The following ZNF536 variants were observed in gnomAD, a reference collection of about 807,000 sequenced individuals.
ZNF536 encodes the protein zinc finger protein 536.
ZNF536 carries 13 observed loss-of-function variants against 84.5 expected under a neutral mutation model. The observed-to-expected ratio is 0.15, with a 90% CI of 0.10 to 0.24. The LOEUF is 0.24. ZNF536 is among the 10% of genes least tolerant of loss of function. The probability of loss-of-function intolerance (pLI) is 1.00; values close to 1 mark genes in which losing one functional copy is unlikely to be tolerated. For missense variants in ZNF536, 1,536 were observed against 1,747.5 expected, an observed-to-expected ratio of 0.88 and a Z score of 2.16; for synonymous variants, 811 against 742.5, an observed-to-expected ratio of 1.09 and a Z score of -1.50.
At position 30,469,270 on chromosome 19, in the gene ZNF536, C is replaced by T. The variant is rs578191796; in HGVS notation, c.2170+23538C>T. 2.3e-4 allele frequency among the ~76,000 whole-genome samples: 35 copies of T among 152,174 alleles called. 1 individual carries two copies. Among genetic ancestry groups the T allele is most frequent in the Non-Finnish European group, 1.5e-4 (10 of 68,000 alleles). Reference sequence around the variant, plus strand: ...TCTACTAAAAGCACAAAAAATTAGCCGGGCGTGGTGGTGGGCCTGTAGTCC... The same window carrying T: ...TCTACTAAAAGCACAAAAAATTAGCTGGGCGTGGTGGTGGGCCTGTAGTCC... On this transcript the variant is annotated intron_variant, in intron 2 of 4. Coordinates refer to ENST00000355537, the MANE Select transcript of ZNF536 (RefSeq NM_014717.3).
rs556835599 is a variant in ZNF536, at chr19:30,617,333, C to CTT, written c.169+67851_169+67852dup. On this transcript the variant is annotated intron_variant, in intron 1 of 1. Coordinates refer to the ZNF536 transcript ENST00000592773. ...GAGTCCACCATATCTGAATAGCTTA[C>CTT]TTTTTTTTTTTTTTTTTTTTTTTTT... Among the ~76,000 whole-genome samples, 247 of 37,688 alleles carry CTT rather than the reference C, an allele frequency of 6.6e-3. 51 individuals are homozygous for CTT. The highest frequency in any genetic ancestry group is 0.01 in the Admixed American group (20 of 1,916). 24.7% of individuals were successfully genotyped at this position (37,688 alleles called of 152,430 possible).
At chr19:30,628,577 C>T (rs978293363) in intron 1 of ZNF536, among the ~76,000 whole-genome samples, 4 of 152,006 alleles carry the variant, frequency 2.6e-5, no homozygotes, top group Middle Eastern at 3.4e-3. Flanking sequence ...TACAGGTACC[C>T]GCCACCACGC....
intron 3 of ZNF536, among the ~76,000 whole-genome samples, chr19:30,539,284 A>G (rs1443337525): frequency 6.6e-6 from 1 of 152,148 alleles, no homozygotes; most frequent in Non-Finnish European, 1.5e-5. Context: ...AATGCAGATC[A>G]ATGTCCCAGC....
intron 1 of ZNF536, among the ~76,000 whole-genome samples, chr19:30,383,064 C>T (rs950524961): frequency 3.3e-5 from 5 of 152,234 alleles, no homozygotes; most frequent in Middle Eastern, 3.4e-3. Context: ...TCAAGGTGGG[C>T]GGATCACCTG....
chr19:30,438,939 C>T (rs1329576052), intron 1 of ZNF536, among the ~76,000 whole-genome samples: 1 of 152,126 alleles, frequency 6.6e-6, no homozygotes, highest in Non-Finnish European at 1.5e-5. Flanking sequence ...GCTGGGATTA[C>T]AGGTGTGAGC....
At position 30,555,173 on chromosome 19, in the gene ZNF536, A is replaced by G. The variant is rs1204631697; in HGVS notation, c.3896-1984A>G. The G allele has an allele frequency of 2.6e-5, 4 of 152,412 alleles. No individual in the cohort carries two copies. The East Asian group carries it at 7.7e-4, about 29-fold the overall frequency. 9.4% of individuals were successfully genotyped at this position (152,412 alleles called of 1,614,324 possible). A position where few individuals can be genotyped will look rare whatever the true frequency, so the allele number is the denominator to read the frequency against. Reference sequence around the variant, plus strand: ...GTGGCTGTGTGTTGTCTCTGATGCAAGCTTGCTCTGTGAAAGCCTGTTTCC... The same window carrying G: ...GTGGCTGTGTGTTGTCTCTGATGCAGGCTTGCTCTGTGAAAGCCTGTTTCC... On this transcript the variant is annotated intron_variant, in intron 4 of 4. Transcript: ENST00000355537.
At chr19:30,528,686 C>T (rs372382085) in intron 2 of ZNF536, among the ~76,000 whole-genome samples, 1 of 152,088 alleles carries the variant, frequency 6.6e-6, no homozygotes, top group Non-Finnish European at 1.5e-5. Flanking sequence ...CACTGTGGCC[C>T]AGGAGGAGAG....
intron 2 of ZNF536, among the ~76,000 whole-genome samples, chr19:30,324,030 C>T (rs1165735114): frequency 1.3e-5 from 2 of 151,964 alleles, no homozygotes; most frequent in Non-Finnish European, 1.5e-5. Context: ...TCCATCCACC[C>T]ACCCATCCTC....
In ZNF536 at chr19:30,557,321, C is replaced by T. The variant is rs192574688; in HGVS notation, c.*157C>T. 1.8e-3 allele frequency: 1,367 copies of T among 780,914 alleles called. 19 individuals are homozygous for T. Among genetic ancestry groups the T allele is most frequent in the South Asian group, 0.017 (906 of 54,644 alleles). The allele number at this position is 780,914 out of a possible 1,614,324, so 48.4% of individuals were successfully genotyped here. Reference sequence around the variant, plus strand: ...ATTGGCATAGGTATGTGTATACACACGGTGCACCAATCTACAGTATATATA... The same window carrying T: ...ATTGGCATAGGTATGTGTATACACATGGTGCACCAATCTACAGTATATATA... On this transcript the variant is annotated 3_prime_UTR_variant, in exon 5 of 5. Coordinates refer to ENST00000355537, the MANE Select transcript of ZNF536 (RefSeq NM_014717.3).
At chr19:30,631,168 C>G (rs1036123010) in intron 1 of ZNF536, among the ~76,000 whole-genome samples, 1 of 152,194 alleles carries the variant, frequency 6.6e-6, no homozygotes, top group Non-Finnish European at 1.5e-5. Flanking sequence ...CAGGAGCCGG[C>G]CCTCCCCTCC....
intron 1 of ZNF536, among the ~76,000 whole-genome samples, chr19:30,652,241 A>G (rs919457288): frequency 2.0e-5 from 3 of 152,192 alleles, no homozygotes; most frequent in Admixed American, 6.5e-5. Context: ...AAATACAGGG[A>G]GGTTTAACAT....
intron 1 of ZNF536, among the ~76,000 whole-genome samples, chr19:30,567,199 C>T (rs1442503358): frequency 5.3e-5 from 8 of 152,228 alleles, no homozygotes; most frequent in African/African-American, 1.7e-4. Context: ...GCCAGCCCGC[C>T]AGGCTCATGT....
chr19:30,694,663 G>C (rs2051576222), intron 1 of ZNF536, among the ~76,000 whole-genome samples: 1 of 148,884 alleles, frequency 6.7e-6, no homozygotes, highest in Non-Finnish European at 1.5e-5. Flanking sequence ...TGTAACATTG[G>C]CAATGAATTA....
intron 2 of ZNF536, among the ~76,000 whole-genome samples, chr19:30,471,841 A>T (rs2053647044): frequency 6.6e-6 from 1 of 152,168 alleles, no homozygotes; most frequent in South Asian, 2.1e-4. Flanking sequence ...ATTTTTTTTT[A>T]AATGCTACTT....
chr19:30,657,298 T>G (rs1446053599), intron 1 of ZNF536, among the ~76,000 whole-genome samples: 3 of 152,276 alleles, frequency 2.0e-5, no homozygotes, highest in Non-Finnish European at 4.4e-5. Context: ...CTCTGTGTAA[T>G]GACTATGAAA....
intron 2 of ZNF536, among the ~76,000 whole-genome samples, chr19:30,514,347 G>C (rs2055544784): frequency 6.6e-6 from 1 of 152,006 alleles, no homozygotes; most frequent in African/African-American, 2.4e-5. Flanking sequence ...ATGTGGCAGG[G>C]GTGGCATGCT....
At chr19:30,440,831 A>G (rs1484914947) in intron 1 of ZNF536, among the ~76,000 whole-genome samples, 1 of 152,040 alleles carries the variant, frequency 6.6e-6, no homozygotes, top group African/African-American at 2.4e-5. Flanking sequence ...GATCTAGCAA[A>G]GGCATTTAAA....
At chr19:30,602,382 T>A (rs2047720425) in intron 1 of ZNF536, among the ~76,000 whole-genome samples, 1 of 152,232 alleles carries the variant, frequency 6.6e-6, no homozygotes, top group East Asian at 1.9e-4. Context: ...AAGTTGCTAC[T>A]TTTGTGCAGC....
At chr19:30,278,377 G>T (rs909731340) in intron 1 of ZNF536, among the ~76,000 whole-genome samples, 2 of 152,188 alleles carry the variant, frequency 1.3e-5, no homozygotes, top group African/African-American at 4.8e-5. Context: ...GGCGATTAGG[G>T]CAGGAGGATA....
Sources: allele counts gnomAD v4.1 joint callset (sites outside exome capture counted in the v4.1 genomes callset), GRCh38; gene constraint gnomAD v4.1.1; transcripts MANE v1.5; gene names NCBI Gene and HGNC (gene_info 2026-07-23, HGNC 2026-07-21).